LMBR1: variants seen among roughly 807,000 people sequenced by gnomAD.
The protein encoded by LMBR1 is limb region 1 protein homolog.
Under a neutral mutation model 73.9 loss-of-function variants are expected in LMBR1, and 52 were observed. That is an observed-to-expected ratio of 0.70 (90% CI 0.56 to 0.89). The LOEUF is 0.89. Ranked by LOEUF, LMBR1 falls within the 40% of genes least tolerant of loss-of-function variation. The probability of loss-of-function intolerance (pLI) is 0.00; values close to 1 mark genes in which losing one functional copy is unlikely to be tolerated. For synonymous variants in LMBR1, 215 were observed against 209.4 expected, an observed-to-expected ratio of 1.03 and a Z score of -0.23; for missense variants, 539 against 579.8, an observed-to-expected ratio of 0.93 and a Z score of 0.72.
intron 9 of LMBR1, among the ~76,000 whole-genome samples, chr7:156,754,661 T>C (rs1411689536): frequency 6.6e-6 from 1 of 152,206 alleles, no homozygotes; most frequent in Non-Finnish European, 1.5e-5. Context: ...AAATAGAAAG[T>C]AACTGTTACA....
At chr7:156,870,210 T>A (rs1019250183) in intron 1 of LMBR1, among the ~76,000 whole-genome samples, 3 of 152,126 alleles carry the variant, frequency 2.0e-5, no homozygotes, top group Non-Finnish European at 4.4e-5. Context: ...GTAGACCAAA[T>A]GAATCTAATG....
At chr7:156,674,280 C>A (rs1803298727), downstream of LMBR1, among the ~76,000 whole-genome samples, 1 of 152,224 alleles carries the variant, frequency 6.6e-6, no homozygotes, top group African/African-American at 2.4e-5. Context: ...GGAGAACACC[C>A]AGAAGAGACA....
At chr7:156,792,434 C>T in intron 5 of LMBR1, among the ~76,000 whole-genome samples, 1 of 152,162 alleles carries the variant, frequency 6.6e-6, no homozygotes, top group Non-Finnish European at 1.5e-5. Flanking sequence ...AAACATTTAA[C>T]TGCTAATAAT....
chr7:156,796,324 G>T, intron 5 of LMBR1, 65 bp downstream of exon 5: 1 of 1,048,078 alleles, frequency 9.5e-7, no homozygotes, highest in Non-Finnish European at 1.4e-6. Flanking sequence ...GCTTTTTCTA[G>T]TTCAATGTGA....
At chr7:156,774,476 G>A (rs1825764637) in intron 5 of LMBR1, among the ~76,000 whole-genome samples, 1 of 152,134 alleles carries the variant, frequency 6.6e-6, no homozygotes, top group Non-Finnish European at 1.5e-5. Flanking sequence ...TGCTCATCAA[G>A]GGCAGACTGA....
intron 4 of LMBR1, among the ~76,000 whole-genome samples, chr7:156,818,299 A>C (rs1834244432): frequency 6.6e-6 from 1 of 152,238 alleles, no homozygotes; most frequent in Non-Finnish European, 1.5e-5. Context: ...TGACAAATCA[A>C]AATAAAGCAC....
At chr7:156,888,409 C>CAA (rs57071729) in intron 1 of LMBR1, among the ~76,000 whole-genome samples, 9 of 91,932 alleles carry the variant, frequency 9.8e-5, no homozygotes, top group East Asian at 3.0e-4. Context: ...GACTCTGTCT[C>CAA]AAAAAAAAAA....
intron 1 of LMBR1, among the ~76,000 whole-genome samples, chr7:156,850,535 A>G (rs1346108772): frequency 6.6e-6 from 1 of 152,184 alleles, no homozygotes; most frequent in Non-Finnish European, 1.5e-5. Flanking sequence ...ATAAAATCAT[A>G]CAGTATGTGC....
intron 4 of LMBR1, among the ~76,000 whole-genome samples, chr7:156,806,548 C>A (rs1185756701): frequency 6.7e-6 from 1 of 148,948 alleles, no homozygotes; most frequent in Admixed American, 6.7e-5. Context: ...GGGAAAGCAT[C>A]CAGTCTTTCA....
chr7:156,757,333 C>T (rs752950588), intron 8 of LMBR1, among the ~76,000 whole-genome samples: 2 of 152,142 alleles, frequency 1.3e-5, no homozygotes, highest in Non-Finnish European at 2.9e-5. Flanking sequence ...TCTTTATGTA[C>T]TAAAAACACT....
chr7:156,779,724 C>T (rs752121022), intron 5 of LMBR1: 4 of 1,284,990 alleles, frequency 3.1e-6, no homozygotes, highest in Non-Finnish European at 4.1e-6. Flanking sequence ...GCCTGGACAT[C>T]TTGCCCTCCT....
At chr7:156,725,739 G>C in intron 13 of LMBR1, 25 bp downstream of exon 13, 2 of 1,602,834 alleles carry the variant, frequency 1.2e-6, no homozygotes, top group Non-Finnish European at 1.7e-6. Context: ...TGGATAGGCT[G>C]AACGTTCAGT....
intron 2 of LMBR1, among the ~76,000 whole-genome samples, chr7:156,836,587 C>T (rs1207014488): frequency 1.3e-5 from 2 of 152,116 alleles, no homozygotes; most frequent in Non-Finnish European, 2.9e-5. Flanking sequence ...CTTAGTTGGA[C>T]ATAAGAATTG....
chr7:156,877,075 T>C (rs1159532668), intron 1 of LMBR1, among the ~76,000 whole-genome samples: 1 of 151,948 alleles, frequency 6.6e-6, no homozygotes, highest in African/African-American at 2.4e-5. Flanking sequence ...TGATACACCA[T>C]TAGCAAGATT....
intron 5 of LMBR1, among the ~76,000 whole-genome samples, chr7:156,777,324 C>T (rs567169857): frequency 7.4e-4 from 112 of 152,342 alleles, no homozygotes; most frequent in African/African-American, 2.6e-3. Context: ...CTTTCCTCTA[C>T]CTCAGTAGGA....
At chr7:156,884,524 G>T (rs1231415642) in intron 1 of LMBR1, among the ~76,000 whole-genome samples, 2 of 151,972 alleles carry the variant, frequency 1.3e-5, no homozygotes, top group Non-Finnish European at 2.9e-5. Flanking sequence ...TTCTAGAAAA[G>T]ATTTCTTAAG....
intron 5 of LMBR1, among the ~76,000 whole-genome samples, chr7:156,782,021 A>C (rs557630369): frequency 1.1e-4 from 16 of 152,192 alleles, no homozygotes; most frequent in Non-Finnish European, 1.8e-4. Context: ...CCACTATGCT[A>C]CTTTCTGTTT....
At chr7:156,737,194 G>A (rs945826169) in intron 9 of LMBR1, among the ~76,000 whole-genome samples, 6 of 152,094 alleles carry the variant, frequency 3.9e-5, no homozygotes, top group Non-Finnish European at 5.9e-5. Flanking sequence ...CTGTACCTTT[G>A]CTCTTACATT....
At chr7:156,718,093 A>G (rs1027952455) in intron 15 of LMBR1, among the ~76,000 whole-genome samples, 4 of 152,190 alleles carry the variant, frequency 2.6e-5, no homozygotes, top group African/African-American at 9.7e-5. Flanking sequence ...GACTGTGCAT[A>G]TGTATTATTA....
Sources: allele counts gnomAD v4.1 joint callset (sites outside exome capture counted in the v4.1 genomes callset), GRCh38; gene constraint gnomAD v4.1.1; transcripts MANE v1.5; gene names NCBI Gene and HGNC (gene_info 2026-07-23, HGNC 2026-07-21).